FRAS1: variants seen among roughly 807,000 people sequenced by gnomAD.
The protein encoded by FRAS1 is Fraser extracellular matrix complex subunit 1.
A neutral mutation model predicts 435.2 loss-of-function variants in FRAS1; 290 were observed. The ratio of observed to expected loss-of-function variants is 0.67; its 90% CI spans 0.61 to 0.73. The LOEUF (loss-of-function observed/expected upper bound fraction) is 0.73, where lower values mean the gene tolerates loss of function less well. FRAS1 is among the 30% of genes least tolerant of loss of function. The pLI, the probability that FRAS1 is intolerant of heterozygous loss-of-function variation, is 0.00. For missense variants in FRAS1, 4,860 were observed against 5,001.5 expected, an observed-to-expected ratio of 0.97 and a Z score of 0.85; for synonymous variants, 1,800 against 1,851.0, an observed-to-expected ratio of 0.97 and a Z score of 0.71.
chr4:78,466,123 C>T lies in FRAS1; in HGVS notation c.7030-85C>T, dbSNP rs1224307858. On this transcript the variant is annotated intron_variant, in intron 49 of 73. Coordinates refer to ENST00000512123, the MANE Select transcript of FRAS1 (RefSeq NM_025074.7). Reference sequence around the variant, plus strand: ...TTATCAATGTCTTTGGGTTCTACTACCCTTGATCAGCAATTGGGCATCACT... The same window carrying T: ...TTATCAATGTCTTTGGGTTCTACTATCCTTGATCAGCAATTGGGCATCACT... 3 of 1,065,194 alleles carry T rather than the reference C, an allele frequency of 2.8e-6. No individual in the cohort carries two copies. The East Asian group carries it at 7.2e-5, about 26-fold the overall frequency. 66.0% of individuals were successfully genotyped at this position (1,065,194 alleles called of 1,614,324 possible).
intron 14 of FRAS1, among the ~76,000 whole-genome samples, chr4:78,297,750 G>C (rs1216667543): frequency 6.6e-6 from 1 of 152,044 alleles, no homozygotes; most frequent in Non-Finnish European, 1.5e-5. Context: ...TTTAAGCCCT[G>C]TGTGATCTGA....
intron 22 of FRAS1, among the ~76,000 whole-genome samples, chr4:78,367,315 T>C (rs1731311503): frequency 6.6e-6 from 1 of 151,780 alleles, no homozygotes; most frequent in Non-Finnish European, 1.5e-5. Flanking sequence ...TGAAGCAGGT[T>C]TGCTTGAGCC....
intron 2 of FRAS1, among the ~76,000 whole-genome samples, chr4:78,214,608 T>C (rs2110088605): frequency 6.6e-6 from 1 of 152,354 alleles, no homozygotes; most frequent in Admixed American, 6.5e-5. Flanking sequence ...CTCAGATTTA[T>C]TGAGATCTGC....
intron 4 of FRAS1, 72 bp downstream of exon 4, chr4:78,245,397 C>A: frequency 9.0e-7 from 1 of 1,106,168 alleles, no homozygotes; most frequent in Non-Finnish European, 1.3e-6. Context: ...GAATGTTAAA[C>A]TTGTGTTGAT....
rs1442919993 is a variant in FRAS1, at chr4:78,432,537, C to T, written c.5150C>T (p.Ser1717Phe). ...CGAGGGCCTCGACTGGCTGCTGGCT[C>T]CTCTCTGAGCATTACTGTTGCCAGT... ...EDRGPRLAAG[S>F]SLSITVASKS... The change falls in exon 38 of 74, where the codon TCC (serine) becomes TTC (phenylalanine). Residue 1717 changes from serine (S) to phenylalanine (F), a missense_variant. Coordinates refer to ENST00000512123, the MANE Select transcript of FRAS1 (RefSeq NM_025074.7). The T allele has an allele frequency of 2.5e-6, 4 of 1,612,836 alleles. No individual in the cohort carries two copies. The highest frequency in any genetic ancestry group is 3.4e-6 in the Non-Finnish European group (4 of 1,179,470).
At chr4:78,455,450 G>A (rs1719163562) in intron 47 of FRAS1, among the ~76,000 whole-genome samples, 1 of 151,964 alleles carries the variant, frequency 6.6e-6, no homozygotes, top group South Asian at 2.1e-4. Flanking sequence ...TCCAAGAAGA[G>A]CAGAGCAACT....
intron 18 of FRAS1, among the ~76,000 whole-genome samples, chr4:78,328,223 T>C (rs1488404783): frequency 6.6e-6 from 1 of 152,260 alleles, no homozygotes; most frequent in Non-Finnish European, 1.5e-5. Flanking sequence ...TACATTCGTT[T>C]TGTGACCAAA....
intron 2 of FRAS1, chr4:78,181,227 T>A: frequency 1.2e-6 from 2 of 1,609,492 alleles, no homozygotes; most frequent in Non-Finnish European, 1.7e-6. Context: ...TCATCCAAAG[T>A]CATCTCTTTT....
chr4:78,413,111 T>C, intron 32 of FRAS1, 26 bp downstream of exon 32: 1 of 1,411,190 alleles, frequency 7.1e-7, no homozygotes, highest in Non-Finnish European at 9.9e-7. Context: ...GGCTTGTGGT[T>C]TCCACTTAGA....
In FRAS1 at chr4:78,454,406, G is replaced by A. The variant is rs192546674; in HGVS notation, c.6763+2052G>A. Among the ~76,000 whole-genome samples, 537 of 152,228 alleles carry A rather than the reference G, an allele frequency of 3.5e-3. 4 individuals carry two copies. The highest frequency in any genetic ancestry group is 5.3e-3 in the Non-Finnish European group (362 of 68,006). ...GGGTCCAGAGCAATGGTGGAGGAGGGCATGTAGTACGTGTATGGCAGGAGG... is the reference window on the plus strand; with the variant it reads ...GGGTCCAGAGCAATGGTGGAGGAGGACATGTAGTACGTGTATGGCAGGAGG... On this transcript the variant is annotated intron_variant, in intron 47 of 73. Coordinates refer to ENST00000512123, the MANE Select transcript of FRAS1 (RefSeq NM_025074.7).
chr4:78,168,568 TCTA>T (rs1029614115), intron 2 of FRAS1, among the ~76,000 whole-genome samples: 1 of 152,006 alleles, frequency 6.6e-6, no homozygotes, highest in African/African-American at 2.4e-5. Context: ...TTTATTACTG[TCTA>T]CTACCTTTTC....
Position 78,374,179 on chromosome 4 carries a change from C to T in FRAS1, c.3079C>T (p.Leu1027Phe), listed in dbSNP as rs1316524780. 6 of 1,607,162 alleles carry T rather than the reference C, an allele frequency of 3.7e-6. No homozygotes were observed. In the African/African-American group the frequency reaches 6.7e-5, roughly 18 times the overall value. Residue 1027 changes from leucine (L) to phenylalanine (F), a missense_variant, in exon 25 of 74, where the codon CTC (leucine) becomes TTC (phenylalanine). Coordinates refer to ENST00000512123, the MANE Select transcript of FRAS1 (RefSeq NM_025074.7). ...ECTRCKGPFL[L>F]LEAQCVQECG... The stretch of plus-strand genomic sequence containing the variant: ...TACCCGCTGCAAAGGGCCATTTCTC[C>T]TCTTGGAAGCCCAGTGTGTCCAGGA...
chr4:78,446,886 G>A lies in FRAS1; in HGVS notation c.6010+6G>A, dbSNP rs1283321419. On this transcript the variant is annotated splice_donor_region_variant and intron_variant, in intron 43 of 73. Coordinates refer to ENST00000512123, the MANE Select transcript of FRAS1 (RefSeq NM_025074.7). ...GACAAAAAAGCCTGACCACGGTAGG[G>A]CACGAACTGCTATGAAAAGCTTCTT... 1 of 1,600,344 alleles carries A rather than the reference G, an allele frequency of 6.2e-7. No individual in the cohort carries two copies. Among genetic ancestry groups the A allele is most frequent in the Non-Finnish European group, 8.5e-7 (1 of 1,173,220 alleles).
intron 33 of FRAS1, among the ~76,000 whole-genome samples, chr4:78,420,753 A>G (rs1015251364): frequency 6.6e-6 from 1 of 151,824 alleles, no homozygotes; most frequent in African/African-American, 2.4e-5. Flanking sequence ...AGAGAATCTC[A>G]TAATTACATT....
intron 49 of FRAS1, among the ~76,000 whole-genome samples, chr4:78,464,951 C>A (rs546128138): frequency 6.6e-6 from 1 of 152,274 alleles, no homozygotes; most frequent in Non-Finnish European, 1.5e-5. Context: ...CCTATATACC[C>A]TTTCTCCCTT....
intron 2 of FRAS1, among the ~76,000 whole-genome samples, chr4:78,130,578 C>G (rs568583523): frequency 6.6e-6 from 1 of 152,274 alleles, no homozygotes; most frequent in South Asian, 2.1e-4. Flanking sequence ...CCTTCAAAAG[C>G]CGGTTCAACT....
chr4:78,400,968 A>G (rs1320882489), intron 30 of FRAS1, 81 bp downstream of exon 30: 2 of 1,322,476 alleles, frequency 1.5e-6, no homozygotes, highest in Non-Finnish European at 2.1e-6. Flanking sequence ...CCATGTGGCA[A>G]GATTGCAATT....
chr4:78,197,459 A>G (rs756930059), intron 2 of FRAS1, among the ~76,000 whole-genome samples: 8 of 152,162 alleles, frequency 5.3e-5, no homozygotes, highest in Admixed American at 4.6e-4. Context: ...TCTCTGAGGG[A>G]GACTAGAATG....
Position 78,429,509 on chromosome 4 carries a change from G to A in FRAS1, c.4843+283G>A, listed in dbSNP as rs181141028. 2.6e-4 allele frequency among the ~76,000 whole-genome samples: 39 copies of A among 152,236 alleles called. No homozygotes were observed. The East Asian group carries it at 7.0e-3, about 27-fold the overall frequency. On this transcript the variant is annotated intron_variant, in intron 36 of 73. Coordinates refer to ENST00000512123, the MANE Select transcript of FRAS1 (RefSeq NM_025074.7). ...CATCACTAAAATATAAAGTAATAGA[G>A]CGGCGAGAAGAACATAGAGGGGAGC...
Sources: allele counts gnomAD v4.1 joint callset (sites outside exome capture counted in the v4.1 genomes callset), GRCh38; gene constraint gnomAD v4.1.1; transcripts MANE v1.5; gene names NCBI Gene and HGNC (gene_info 2026-07-23, HGNC 2026-07-21).